FAT3: variants seen among roughly 807,000 people sequenced by gnomAD.
The protein encoded by FAT3 is protocadherin Fat 3.
A neutral mutation model predicts 310.2 loss-of-function variants in FAT3; 95 were observed. The observed-to-expected ratio is 0.31, with a 90% CI of 0.26 to 0.36. The LOEUF (loss-of-function observed/expected upper bound fraction) is 0.36. Among genes scored for constraint, FAT3 ranks in the 10% least tolerant of loss-of-function variants. The probability of loss-of-function intolerance (pLI) is 1.00; values close to 1 mark genes in which losing one functional copy is unlikely to be tolerated. For synonymous variants in FAT3, 2,314 were observed against 2,192.9 expected (o/e 1.06, Z -1.54); for missense variants, 5,408 against 5,715.6 (o/e 0.95, Z 1.74).
intron 18 of FAT3, 27 bp downstream of exon 18, chr11:92,840,786 G>GTGC (rs752704100): frequency 1.3e-6 from 2 of 1,497,702 alleles, no homozygotes; most frequent in African/African-American, 2.8e-5. Context: ...TGTCTCCGTC[G>GTGC]TGCTGTCTTT....
chr11:92,291,751 T>C (rs1474910331), intron 1 of FAT3, among the ~76,000 whole-genome samples: 1 of 152,084 alleles, frequency 6.6e-6, no homozygotes, highest in Non-Finnish European at 1.5e-5. Context: ...TTCTCACCAT[T>C]GGTGCTCCAG....
rs527739229 is a variant in FAT3 at position 92,393,330 on chromosome 11, G to A, written c.3292+37926G>A. ...TTTTGCCACCAGCCTCTCTTTGAAA[G>A]GCATTGCTGTCATCACAGTGAAACA... On this transcript the variant is annotated intron_variant, in intron 2 of 27. Coordinates refer to ENST00000525166, the MANE Select transcript of FAT3 (RefSeq NM_001367949.2). Among the ~76,000 whole-genome samples the A allele has an allele frequency of 9.2e-5, 14 of 152,212 alleles. No homozygotes were observed. In the East Asian group the frequency reaches 2.5e-3, roughly 27 times the overall value.
At chr11:92,662,864 C>T (rs574376731) in intron 3 of FAT3, among the ~76,000 whole-genome samples, 2 of 152,328 alleles carry the variant, frequency 1.3e-5, no homozygotes, top group African/African-American at 4.8e-5. Context: ...GATAAGAAGT[C>T]TCTGTGCTCC....
chr11:92,395,109 A>G (rs1444663571), intron 2 of FAT3, among the ~76,000 whole-genome samples: 1 of 152,204 alleles, frequency 6.6e-6, no homozygotes, highest in African/African-American at 2.4e-5. Context: ...GCTTAATAAC[A>G]TTAGCTAAAA....
At chr11:92,608,613 G>T (rs1173370205) in intron 3 of FAT3, among the ~76,000 whole-genome samples, 1 of 151,836 alleles carries the variant, frequency 6.6e-6, no homozygotes, top group Non-Finnish European at 1.5e-5. Flanking sequence ...CTACCTGATT[G>T]TATATTAGTA....
At chr11:92,543,796 C>T (rs1954527547) in intron 3 of FAT3, among the ~76,000 whole-genome samples, 1 of 152,082 alleles carries the variant, frequency 6.6e-6, no homozygotes, top group Non-Finnish European at 1.5e-5. Context: ...ATTAATTTAA[C>T]AAATGGATAT....
At chr11:92,237,129 A>T (rs1389202518) in intron 1 of FAT3, among the ~76,000 whole-genome samples, 3 of 152,206 alleles carry the variant, frequency 2.0e-5, no homozygotes, top group Non-Finnish European at 2.9e-5. Flanking sequence ...TATACTGCAT[A>T]TATTGATTAG....
At chr11:92,349,041 A>G (rs1948491149) in intron 1 of FAT3, among the ~76,000 whole-genome samples, 1 of 152,172 alleles carries the variant, frequency 6.6e-6, no homozygotes, top group African/African-American at 2.4e-5. Context: ...GGGCAGACTC[A>G]GAAAAGTTCA....
chr11:92,539,169 T>C (rs1335504264), intron 3 of FAT3, among the ~76,000 whole-genome samples: 2 of 152,200 alleles, frequency 1.3e-5, no homozygotes, highest in African/African-American at 4.8e-5. Context: ...AGAAATGCAT[T>C]CTTCTGAAGA....
At chr11:92,455,107 C>A (rs934673283) in intron 2 of FAT3, among the ~76,000 whole-genome samples, 1 of 152,102 alleles carries the variant, frequency 6.6e-6, no homozygotes, top group African/African-American at 2.4e-5. Flanking sequence ...AGGCTGTAGA[C>A]CAACCACTTT....
At chr11:92,674,037 C>A (rs181185983) in intron 3 of FAT3, among the ~76,000 whole-genome samples, 1 of 151,740 alleles carries the variant, frequency 6.6e-6, no homozygotes, top group Non-Finnish European at 1.5e-5. Context: ...AAAAATTAGC[C>A]GGGTGTGGTG....
At chr11:92,645,148 T>TTTTA (rs577008405) in intron 3 of FAT3, among the ~76,000 whole-genome samples, 19 of 152,188 alleles carry the variant, frequency 1.2e-4, no homozygotes, top group Non-Finnish European at 2.8e-4. Context: ...AAATGTAAGA[T>TTTTA]AAAAAACATA....
intron 3 of FAT3, among the ~76,000 whole-genome samples, chr11:92,543,416 T>G (rs537834776): frequency 1.3e-5 from 2 of 152,304 alleles, no homozygotes; most frequent in East Asian, 3.9e-4. Context: ...CAATGTATTC[T>G]TGTATCAACA....
rs78877222 is a variant in FAT3 at position 92,263,764 on chromosome 11, T to C, written c.-18+38590T>C. On this transcript the variant is annotated intron_variant, in intron 1 of 27. Transcript: ENST00000525166. ...GCCCATTGTATCATGTCAGCATTGA[T>C]CATGTCCTACTTTGTGTTGCTTTTA... Among the ~76,000 whole-genome samples, 1,217 of 152,168 alleles carry C rather than the reference T, an allele frequency of 8.0e-3. 20 individuals are homozygous for C. Among genetic ancestry groups the C allele is most frequent in the African/African-American group, 0.028 (1,145 of 41,522 alleles).
At chr11:92,779,960 G>A (rs556942394) in intron 7 of FAT3, among the ~76,000 whole-genome samples, 1 of 152,174 alleles carries the variant, frequency 6.6e-6, no homozygotes, top group African/African-American at 2.4e-5. Flanking sequence ...ACAGCCAGCA[G>A]GGAAACCAGG....
chr11:92,261,568 CTG>C (rs1865555779), intron 1 of FAT3, among the ~76,000 whole-genome samples: 1 of 152,048 alleles, frequency 6.6e-6, no homozygotes. Flanking sequence ...AAAAATCTAA[CTG>C]TGTGATTTTT....
chr11:92,859,495 C>A (rs868006434), intron 21 of FAT3, among the ~76,000 whole-genome samples, 173 bp downstream of exon 21: 1 of 152,174 alleles, frequency 6.6e-6, no homozygotes, highest in South Asian at 2.1e-4. Context: ...ATCCCATTTC[C>A]TTTTGAACAT....
intron 1 of FAT3, among the ~76,000 whole-genome samples, chr11:92,279,975 G>T (rs1205315152): frequency 1.3e-5 from 2 of 152,050 alleles, no homozygotes; most frequent in Non-Finnish European, 2.9e-5. Context: ...TTGCTCTATT[G>T]AATCATTATT....
intron 3 of FAT3, among the ~76,000 whole-genome samples, chr11:92,689,725 ACTGTATGAATGTG>A (rs1943742767): frequency 6.6e-6 from 1 of 152,098 alleles, no homozygotes; most frequent in East Asian, 1.9e-4. Flanking sequence ...TCTGGTTCTA[ACTGTATGAATGTG>A]TGCACATGCA....
Sources: gnomAD v4.1 joint callset for allele counts (sites outside exome capture counted in the v4.1 genomes callset) on GRCh38, gnomAD v4.1.1 for gene constraint, MANE v1.5 for transcripts, NCBI Gene and HGNC (gene_info 2026-07-23, HGNC 2026-07-21) for gene names.